Variants in BCS1L observed in about 807,000 individuals in gnomAD.
BCS1L encodes the protein BCS1 ubiquinol-cytochrome c reductase complex chaperone, also known as mitochondrial chaperone BCS1.
A neutral mutation model predicts 49.3 loss-of-function variants in BCS1L; 38 were observed. That is an observed-to-expected ratio of 0.77 (90% CI 0.59 to 1.01). BCS1L has a LOEUF of 1.01. Ranked by LOEUF, BCS1L falls within the 50% of genes least tolerant of loss-of-function variation. The pLI, the probability that BCS1L is intolerant of heterozygous loss-of-function variation, is 0.00. For missense variants in BCS1L, 394 were observed against 540.2 expected, an observed-to-expected ratio of 0.73 and a Z score of 2.68; for synonymous variants, 193 against 210.1, an observed-to-expected ratio of 0.92 and a Z score of 0.70.
At position 218,662,169 on chromosome 2, in the gene BCS1L, G is replaced by A; in HGVS notation, c.656-28G>A. 1 of 1,610,416 alleles carries A rather than the reference G, an allele frequency of 6.2e-7. No individual in the cohort carries two copies. Among genetic ancestry groups the A allele is most frequent in the African/African-American group, 1.3e-5 (1 of 74,956 alleles). On this transcript the variant is annotated intron_variant, in intron 4 of 7. Transcript: ENST00000359273. This position sits in a 1 kb window ranked among gnomAD's most constrained non-coding sequence, Gnocchi z 5.8. ...ATGAACGTAGATATCCGGGGCAAAA[G>A]ACATGATCATCCTGGCTCTATCCCT... is the stretch of plus-strand genomic sequence containing the variant.
At position 218,661,966 on chromosome 2, in the gene BCS1L, T is replaced by C. The variant is rs1159421289; in HGVS notation, c.655+13T>C. On this transcript the variant is annotated intron_variant, in intron 4 of 7. Transcript: ENST00000359273. The surrounding 1 kb of genome is among the most constrained non-coding windows in gnomAD (Gnocchi z 5.9). Reference sequence around the variant, plus strand: ...TACACTGACAGAGGTGAGAAGCAGCTGGGGTCTTGGCTGTGCTGTTTTTGA... The same window carrying C: ...TACACTGACAGAGGTGAGAAGCAGCCGGGGTCTTGGCTGTGCTGTTTTTGA... 6.2e-7 allele frequency: 1 copy of C among 1,613,398 alleles called. No individual in the cohort carries two copies. Among genetic ancestry groups the C allele is most frequent in the African/African-American group, 1.3e-5 (1 of 75,018 alleles).
At position 218,662,989 on chromosome 2, in the gene BCS1L, C is replaced by T. The variant is rs33946522; in HGVS notation, c.996C>T (p.Asn332=). 0.039 allele frequency: 63,457 copies of T among 1,613,760 alleles called. 1,640 individuals carry two copies. Among genetic ancestry groups the T allele is most frequent in the East Asian group, 0.11 (5,082 of 44,850 alleles). ...CCCGCATCGTGTTCATGACCACCAA[C>T]CACGTTGACAGGTAGGAAGGAGCCA... ...TEARIVFMTT[N]HVDRLDPALI... is the part of the protein sequence containing the mutation. The change falls in exon 7 of 8, where the codon AAC becomes AAT. Residue 332 remains asparagine, a synonymous_variant. Transcript: ENST00000359273. The surrounding 1 kb of genome is among the most constrained non-coding windows in gnomAD (Gnocchi z 5.8).
In BCS1L at chr2:218,662,524, G is replaced by C; in HGVS notation, c.734G>C (p.Gly245Ala). 6.2e-7 allele frequency: 1 copy of C among 1,613,924 alleles called. No homozygotes were observed. The highest frequency in any genetic ancestry group is 8.5e-7 in the Non-Finnish European group (1 of 1,180,032). The change falls in exon 6 of 8, where the codon GGG (glycine) becomes GCG (alanine). Residue 245 changes from glycine (G) to alanine (A), a missense_variant. By Grantham distance (60) the Gly-to-Ala change is moderately conservative (BLOSUM62 0). Coordinates refer to ENST00000359273, the MANE Select transcript of BCS1L (RefSeq NM_001079866.2). This position sits in a 1 kb window ranked among gnomAD's most constrained non-coding sequence, Gnocchi z 5.8. ...GKSSFITALA[G>A]ELEHSICLLS... ...ATGCTCCATAGCACAGCCCTGGCTG[G>C]GGAACTGGAGCACAGCATCTGCCTG...
rs377502595 is a variant in BCS1L at position 218,663,012 on chromosome 2, C to T, written c.1007+12C>T. ...AACCACGTTGACAGGTAGGAAGGAG[C>T]CAGGCATCCTGAGACTTAGGCAAGA... On this transcript the variant is annotated intron_variant, in intron 7 of 7. Transcript: ENST00000359273. 6.8e-6 allele frequency: 11 copies of T among 1,613,768 alleles called. No homozygotes were observed. Among genetic ancestry groups the T allele is most frequent in the East Asian group, 4.5e-5 (2 of 44,862 alleles).
chr2:218,663,151 T>C lies in BCS1L; in HGVS notation c.1025T>C (p.Ile342Thr), dbSNP rs1261867346. ...TCTCTCAGGCTGGACCCTGCCCTGA[T>C]ACGCCCGGGGCGAGTGGACCTGAAG... ...NHVDRLDPAL[I>T]RPGRVDLKEY... Residue 342 changes from isoleucine (I) to threonine (T), a missense_variant, in exon 8 of 8, where the codon ATA becomes ACA. Transcript: ENST00000359273. 7 of 1,614,066 alleles carry C rather than the reference T, an allele frequency of 4.3e-6. No homozygotes were observed. The highest frequency in any genetic ancestry group is 1.6e-4 in the Middle Eastern group (1 of 6,084).
In BCS1L at chr2:218,662,499, A is replaced by G; in HGVS notation, c.720-11A>G. On this transcript the variant is annotated splice_polypyrimidine_tract_variant and intron_variant, in intron 5 of 7. Coordinates refer to ENST00000359273, the MANE Select transcript of BCS1L (RefSeq NM_001079866.2). The surrounding 1 kb of genome is among the most constrained non-coding windows in gnomAD (Gnocchi z 5.8). Reference sequence around the variant, plus strand: ...GTTGCCTGCTACCTCCTGCCATCCCATGCTCCATAGCACAGCCCTGGCTGG... The same window carrying G: ...GTTGCCTGCTACCTCCTGCCATCCCGTGCTCCATAGCACAGCCCTGGCTGG... 3.7e-6 allele frequency: 6 copies of G among 1,613,552 alleles called. No individual in the cohort carries two copies. The highest frequency in any genetic ancestry group is 5.1e-6 in the Non-Finnish European group (6 of 1,180,002).
rs1939524436 is a variant in BCS1L at position 218,662,093 on chromosome 2, T to A, written c.656-104T>A. 1 of 1,494,710 alleles carries A rather than the reference T, an allele frequency of 6.7e-7. No homozygotes were observed. The highest frequency in any genetic ancestry group is 2.3e-5 in the East Asian group (1 of 44,248). The allele number at this position is 1,494,710 out of a possible 1,614,324, so 92.6% of individuals were successfully genotyped here. On this transcript the variant is annotated intron_variant, in intron 4 of 7. Transcript: ENST00000359273. This position sits in a 1 kb window ranked among gnomAD's most constrained non-coding sequence, Gnocchi z 5.8. ...AGGAATGAAAAGTTGTGTATGAGAA[T>A]GATTTATTTCCGTACCAAGGTTATC... is the stretch of plus-strand genomic sequence containing the variant.
chr2:218,658,744 C>T (rs1457933658), upstream of BCS1L: 1 of 152,206 alleles, frequency 6.6e-6, no homozygotes, highest in African/African-American at 2.4e-5. Context: ...CTTGACCATA[C>T]ATGGCCTCCG....
upstream of BCS1L, chr2:218,659,241 C>T (rs569158221): frequency 7.2e-5 from 11 of 152,596 alleles, no homozygotes; most frequent in African/African-American, 2.6e-4. This position sits in a 1 kb window ranked among gnomAD's most constrained non-coding sequence, Gnocchi z 4.4. Flanking sequence ...TGGGTGCTCC[C>T]TTCAGTACCT....
upstream of BCS1L, chr2:218,659,620 G>A (rs1171747622): frequency 1.3e-5 from 2 of 152,284 alleles, no homozygotes; most frequent in African/African-American, 4.8e-5. This position sits in a 1 kb window ranked among gnomAD's most constrained non-coding sequence, Gnocchi z 4.4. Flanking sequence ...GGGTAGAGTG[G>A]CGTGGGCTTC....
intron 1 of BCS1L, chr2:218,660,588 C>G: frequency 9.0e-6 from 2 of 222,950 alleles, no homozygotes; most frequent in Non-Finnish European, 1.8e-5. Flanking sequence ...AGTCAACGGA[C>G]GCTTCTCCCT....
chr2:218,661,240 C>T lies in BCS1L; in HGVS notation c.253C>T (p.Gln85Ter), dbSNP rs1386626162. Residue 85 changes from glutamine to a stop codon, truncating the protein, a stop_gained, in exon 2 of 8, where the codon CAG (glutamine) becomes TAG (stop). Coordinates refer to ENST00000359273, the MANE Select transcript of BCS1L (RefSeq NM_001079866.2). LOFTEE classifies it high-confidence loss of function. The surrounding 1 kb of genome is among the most constrained non-coding windows in gnomAD (Gnocchi z 5.9). ...QHLSVETSYL[Q>*]HESGRISTKF... ...CCTCAGTGTCGAGACTTCGTACCTT[C>T]AGCATGAGAGTGGCCGCATTTCCAC... is the stretch of plus-strand genomic sequence containing the variant. 5 of 1,614,118 alleles carry T rather than the reference C, an allele frequency of 3.1e-6. No homozygotes were observed. The highest frequency in any genetic ancestry group is 4.2e-6 in the Non-Finnish European group (5 of 1,180,068).
At position 218,661,226 on chromosome 2, in the gene BCS1L, A is replaced by G; in HGVS notation, c.239A>G (p.Glu80Gly). The G allele has an allele frequency of 6.2e-7, 1 of 1,614,232 alleles. No individual in the cohort carries two copies. The highest frequency in any genetic ancestry group is 2.2e-5 in the East Asian group (1 of 44,892). The change falls in exon 2 of 8, where the codon GAG becomes GGG. Residue 80 changes from glutamate to glycine, a missense_variant. Transcript: ENST00000359273. This position sits in a 1 kb window ranked among gnomAD's most constrained non-coding sequence, Gnocchi z 5.9. ...HSTRTQHLSV[E>G]TSYLQHESGR... ...ACCCGTACTCAGCACCTCAGTGTCGAGACTTCGTACCTTCAGCATGAGAGT... is the reference window on the plus strand; with the variant it reads ...ACCCGTACTCAGCACCTCAGTGTCGGGACTTCGTACCTTCAGCATGAGAGT...
At position 218,661,662 on chromosome 2, in the gene BCS1L, G is replaced by C; in HGVS notation, c.461-97G>C. The stretch of plus-strand genomic sequence containing the variant: ...GGCCGGGGTGAGCCCATGGGAACAG[G>C]GGGCCAGAAGGAAGCTGTTTGGCAC... On this transcript the variant is annotated intron_variant, in intron 3 of 7. Coordinates refer to ENST00000359273, the MANE Select transcript of BCS1L (RefSeq NM_001079866.2). This position sits in a 1 kb window ranked among gnomAD's most constrained non-coding sequence, Gnocchi z 5.9. 3 of 1,577,788 alleles carry C rather than the reference G, an allele frequency of 1.9e-6. No homozygotes were observed. The highest frequency in any genetic ancestry group is 2.6e-6 in the Non-Finnish European group (3 of 1,160,210).
upstream of BCS1L, chr2:218,659,325 A>G (rs992100094): frequency 6.6e-6 from 1 of 152,348 alleles, no homozygotes; most frequent in Non-Finnish European, 1.5e-5. The surrounding 1 kb of genome is among the most constrained non-coding windows in gnomAD (Gnocchi z 4.4). Context: ...AGCTCGCTCC[A>G]CCCGCATTCC....
rs757887088 is a variant in BCS1L, at chr2:218,662,543, C to A, written c.753C>A (p.Ile251=). 14 of 1,614,122 alleles carry A rather than the reference C, an allele frequency of 8.7e-6. No individual in the cohort carries two copies. The highest frequency in any genetic ancestry group is 1.2e-5 in the Non-Finnish European group (14 of 1,180,044). ...TALAGELEHS[I]CLLSLTDSSL... Reference sequence around the variant, plus strand: ...TGGCTGGGGAACTGGAGCACAGCATCTGCCTGCTGAGCCTCACGGACTCCA... The same window carrying A: ...TGGCTGGGGAACTGGAGCACAGCATATGCCTGCTGAGCCTCACGGACTCCA... Residue 251 remains isoleucine, a synonymous_variant, in exon 6 of 8, where the codon ATC becomes ATA. Transcript: ENST00000359273. This position sits in a 1 kb window ranked among gnomAD's most constrained non-coding sequence, Gnocchi z 5.8.
Position 218,662,467 on chromosome 2 carries a change from T to C in BCS1L, c.720-43T>C, listed in dbSNP as rs940211598. On this transcript the variant is annotated intron_variant, in intron 5 of 7. Transcript: ENST00000359273. The surrounding 1 kb of genome is among the most constrained non-coding windows in gnomAD (Gnocchi z 5.8). The stretch of plus-strand genomic sequence containing the variant: ...GAGAGTAGCTGGGCCTGAGGAAGCA[T>C]TTCCAGGTTGCCTGCTACCTCCTGC... 1 of 1,612,320 alleles carries C rather than the reference T, an allele frequency of 6.2e-7. No homozygotes were observed. Among genetic ancestry groups the C allele is most frequent in the Non-Finnish European group, 8.5e-7 (1 of 1,179,544 alleles).
Position 218,661,445 on chromosome 2 carries a change from G to A in BCS1L, c.360G>A (p.Glu120=), listed in dbSNP as rs1210304275. 1.2e-6 allele frequency: 2 copies of A among 1,614,206 alleles called. No homozygotes were observed. The highest frequency in any genetic ancestry group is 2.2e-5 in the South Asian group (2 of 91,080). ...GKWIRVERSR[E]MQMIDLQTGT... is the part of the protein sequence containing the mutation. ...GGATTCGGGTAGAACGAAGTCGAGA[G>A]ATGCAGATGATAGACTTGCAGACGG... Residue 120 remains glutamate (E), a synonymous_variant, in exon 3 of 8, where the codon GAG becomes GAA. Transcript: ENST00000359273. The surrounding 1 kb of genome is among the most constrained non-coding windows in gnomAD (Gnocchi z 5.9).
upstream of BCS1L, chr2:218,659,499 T>C (rs1939063380): frequency 6.6e-6 from 1 of 152,044 alleles, no homozygotes; most frequent in South Asian, 2.1e-4. This position sits in a 1 kb window ranked among gnomAD's most constrained non-coding sequence, Gnocchi z 4.4. Context: ...GAAGCCACTC[T>C]CTCTTCCTCT....
Sources: allele counts gnomAD v4.1 joint callset, GRCh38; gene constraint gnomAD v4.1.1; non-coding constraint Gnocchi (gnomAD v3.1); transcripts MANE v1.5; gene names NCBI Gene and HGNC (gene_info 2026-07-23, HGNC 2026-07-21).